The following CHST15 variants were observed in gnomAD, a reference collection of about 807,000 sequenced individuals.
The protein encoded by CHST15 is carbohydrate sulfotransferase 15, also known as B cell RAG associated protein (GALNAC4S-6ST).
In CHST15, 30 loss-of-function variants were observed where a neutral mutation model predicts 53.6. The ratio of observed to expected loss-of-function variants is 0.56; its 90% CI spans 0.42 to 0.76. The LOEUF (loss-of-function observed/expected upper bound fraction) is 0.76, where lower values mean the gene tolerates loss of function less well. Ranked by LOEUF, CHST15 falls within the 30% of genes least tolerant of loss-of-function variation. CHST15 has a pLI of 0.00. For missense variants in CHST15, 627 were observed against 740.5 expected (o/e 0.85, Z 1.78); for synonymous variants, 296 against 289.8 (o/e 1.02, Z -0.22).
intron 1 of CHST15, among the ~76,000 whole-genome samples, chr10:124,058,190 T>C (rs1016056054): frequency 2.0e-5 from 3 of 152,220 alleles, no homozygotes; most frequent in Non-Finnish European, 4.4e-5. Context: ...AAGAGGAGCT[T>C]ACAGGGTGTG....
At chr10:124,066,767 A>T (rs950532476) in intron 1 of CHST15, among the ~76,000 whole-genome samples, 19 of 152,098 alleles carry the variant, frequency 1.2e-4, no homozygotes, top group African/African-American at 4.6e-4. Flanking sequence ...GCTGCCATGC[A>T]CCTCCCTCCT....
chr10:124,011,425 A>G, intron 7 of CHST15: 1 of 985,480 alleles, frequency 1.0e-6, no homozygotes, highest in Non-Finnish European at 1.2e-6. Flanking sequence ...CTCCAAAAAA[A>G]GGAGAAACAA....
chr10:124,091,778 G>T (rs1279477295), intron 1 of CHST15, among the ~76,000 whole-genome samples: 2 of 151,994 alleles, frequency 1.3e-5, no homozygotes, highest in African/African-American at 4.8e-5. Context: ...CCAGGAGCTG[G>T]TCCCAGCCTC....
Position 124,016,199 on chromosome 10 carries a change from G to T in CHST15, c.1348-3719C>A, listed in dbSNP as rs542065951. Among the ~76,000 whole-genome samples the T allele has an allele frequency of 3.9e-4, 60 of 152,258 alleles. No individual in the cohort carries two copies. In the South Asian group the frequency reaches 0.012, roughly 31 times the overall value. On this transcript the variant is annotated intron_variant, in intron 6 of 7. Coordinates refer to ENST00000435907, the MANE Select transcript of CHST15 (RefSeq NM_001270764.2). ...GCGGGGGCTGGCCAGAGGCAGAGGGGTCTGTGCTGCCCCTGCATCCGGGTG... is the reference window on the plus strand; with the variant it reads ...GCGGGGGCTGGCCAGAGGCAGAGGGTTCTGTGCTGCCCCTGCATCCGGGTG...
At chr10:124,018,776 AG>A (rs577930281) in intron 6 of CHST15, among the ~76,000 whole-genome samples, 66 of 152,196 alleles carry the variant, frequency 4.3e-4, no homozygotes, top group African/African-American at 1.5e-3. Flanking sequence ...GGGTCTGGGG[AG>A]GGGCTGTCTC....
At chr10:124,077,482 A>G (rs938393554) in intron 1 of CHST15, among the ~76,000 whole-genome samples, 8 of 152,014 alleles carry the variant, frequency 5.3e-5, no homozygotes, top group African/African-American at 1.9e-4. Flanking sequence ...TTGTCTGTCA[A>G]ATTTACGAGC....
chr10:124,060,612 G>A (rs894769787), intron 1 of CHST15, among the ~76,000 whole-genome samples: 1 of 151,800 alleles, frequency 6.6e-6, no homozygotes, highest in Non-Finnish European at 1.5e-5. Context: ...AGGGGCATGT[G>A]GGCATGTGGA....
Position 124,007,809 on chromosome 10 carries a change from C to G in CHST15, c.*2340G>C, listed in dbSNP as rs754676725. 1 of 1,231,920 alleles carries G rather than the reference C, an allele frequency of 8.1e-7. No individual in the cohort carries two copies. The allele number at this position is 1,231,920 out of a possible 1,614,324, so 76.3% of individuals were successfully genotyped here. A position where few individuals can be genotyped will look rare whatever the true frequency, so the allele number is the denominator to read the frequency against. On this transcript the variant is annotated 3_prime_UTR_variant, in exon 8 of 8. Coordinates refer to ENST00000435907, the MANE Select transcript of CHST15 (RefSeq NM_001270764.2). ...AGGACTAAGGGAGTACAATTTAACACGGTCACAACTTTTGAGAACAAAAAG... is the reference window on the plus strand; with the variant it reads ...AGGACTAAGGGAGTACAATTTAACAGGGTCACAACTTTTGAGAACAAAAAG...
intron 1 of CHST15, among the ~76,000 whole-genome samples, chr10:124,064,807 C>G (rs1420323989): frequency 6.6e-6 from 1 of 152,182 alleles, no homozygotes; most frequent in Non-Finnish European, 1.5e-5. Context: ...CCCTTCAGAT[C>G]TCAGGCAAGG....
chr10:124,070,760 T>G (rs756033472), intron 1 of CHST15, among the ~76,000 whole-genome samples: 2 of 152,158 alleles, frequency 1.3e-5, no homozygotes, highest in Non-Finnish European at 2.9e-5. Context: ...CAAGTCCCTG[T>G]TCAGCTGCAT....
At chr10:124,068,871 T>G (rs557109406) in intron 1 of CHST15, among the ~76,000 whole-genome samples, 1 of 152,332 alleles carries the variant, frequency 6.6e-6, no homozygotes, top group East Asian at 1.9e-4. Context: ...AAACACAAAT[T>G]TTCAAACAAT....
intron 6 of CHST15, among the ~76,000 whole-genome samples, chr10:124,017,688 T>C (rs1430779765): frequency 6.6e-6 from 1 of 152,140 alleles, no homozygotes; most frequent in Non-Finnish European, 1.5e-5. Flanking sequence ...TAGGGGAAGC[T>C]GGGTTAAAAG....
intron 1 of CHST15, among the ~76,000 whole-genome samples, chr10:124,079,854 C>G (rs1949181920): frequency 6.6e-6 from 1 of 152,212 alleles, no homozygotes; most frequent in African/African-American, 2.4e-5. Flanking sequence ...CCAAAGGGTT[C>G]CCGCTCCAGG....
chr10:124,075,252 A>G (rs1235943685), intron 1 of CHST15, among the ~76,000 whole-genome samples: 2 of 152,174 alleles, frequency 1.3e-5, no homozygotes, highest in Non-Finnish European at 2.9e-5. Context: ...GGGAGGGTAC[A>G]ATCCCAGACA....
Position 124,009,141 on chromosome 10 carries a change from G to A in CHST15, c.*1008C>T, listed in dbSNP as rs537891592. ...AGGCAGAGAAATGGAGCCTGTAGCC[G>A]GCCAGAACTAAAAATTAAAATCCTC... On this transcript the variant is annotated 3_prime_UTR_variant, in exon 8 of 8. Coordinates refer to ENST00000435907, the MANE Select transcript of CHST15 (RefSeq NM_001270764.2). 3.0e-5 allele frequency: 36 copies of A among 1,217,210 alleles called. No homozygotes were observed. The Admixed American group carries it at 3.9e-4, about 13-fold the overall frequency. 75.4% of individuals were successfully genotyped at this position (1,217,210 alleles called of 1,614,324 possible).
In CHST15 at chr10:124,008,298, A is replaced by G. The variant is rs555104056; in HGVS notation, c.*1851T>C. Reference sequence around the variant, plus strand: ...CCAGAGCGGAGGAGCCTCATTAGCAACTGAACAGAACCCACTCAGAAGACG... The same window carrying G: ...CCAGAGCGGAGGAGCCTCATTAGCAGCTGAACAGAACCCACTCAGAAGACG... On this transcript the variant is annotated 3_prime_UTR_variant, in exon 8 of 8. Transcript: ENST00000435907. 4.5e-5 allele frequency: 51 copies of G among 1,131,380 alleles called. No individual in the cohort carries two copies. The African/African-American group carries it at 7.7e-4, about 17-fold the overall frequency. 70.1% of individuals were successfully genotyped at this position (1,131,380 alleles called of 1,614,324 possible). A position where few individuals can be genotyped will look rare whatever the true frequency, so the allele number is the denominator to read the frequency against.
chr10:124,053,044 C>T (rs1037175389), intron 1 of CHST15, among the ~76,000 whole-genome samples: 9 of 150,440 alleles, frequency 6.0e-5, no homozygotes, highest in African/African-American at 2.3e-4. Flanking sequence ...AAAAAAGAGT[C>T]TCTGGCCCAT....
At chr10:124,047,443 G>A (rs940583839) in intron 1 of CHST15, among the ~76,000 whole-genome samples, 1 of 152,088 alleles carries the variant, frequency 6.6e-6, no homozygotes. Flanking sequence ...TCATCATCTC[G>A]AGCAAGATAT....
intron 6 of CHST15, 181 bp downstream of exon 6, chr10:124,021,075 G>A: frequency 1.4e-6 from 2 of 1,465,804 alleles, no homozygotes; most frequent in Middle Eastern, 1.8e-4. Context: ...GCCAGACCAA[G>A]AGCCCATCAG....
Sources: gnomAD v4.1 joint callset for allele counts (sites outside exome capture counted in the v4.1 genomes callset) on GRCh38, gnomAD v4.1.1 for gene constraint, MANE v1.5 for transcripts, NCBI Gene and HGNC (gene_info 2026-07-23, HGNC 2026-07-21) for gene names.